ARPC5L: variants seen among roughly 807,000 people sequenced by gnomAD.
ARPC5L encodes the protein actin-related protein 2/3 complex subunit 5-like protein.
ARPC5L carries 4 observed loss-of-function variants against 16.9 expected under a neutral mutation model. The observed-to-expected ratio is 0.24, with a 90% CI of 0.12 to 0.54. The LOEUF is 0.54. ARPC5L is among the 20% of genes least tolerant of loss of function. ARPC5L has a pLI of 0.95. For synonymous variants in ARPC5L, 78 were observed against 82.6 expected (o/e 0.94, Z 0.30); for missense variants, 151 against 201.9 (o/e 0.75, Z 1.53).
chr9:124,868,124 G>A (rs1829297422), intron 2 of ARPC5L, among the ~76,000 whole-genome samples: 1 of 152,004 alleles, frequency 6.6e-6, no homozygotes, highest in Non-Finnish European at 1.5e-5. Flanking sequence ...CACTATGGGA[G>A]TCTGTATCCT....
At chr9:124,873,299 A>G (rs983848458) in intron 3 of ARPC5L, 4 of 210,426 alleles carry the variant, frequency 1.9e-5, no homozygotes, top group Non-Finnish European at 3.9e-5. Context: ...TTGTACCTAC[A>G]TTTTCCGCTT....
At chr9:124,867,833 G>T (rs1829294146) in intron 2 of ARPC5L, among the ~76,000 whole-genome samples, 1 of 140,992 alleles carries the variant, frequency 7.1e-6, no homozygotes, top group African/African-American at 2.6e-5. Flanking sequence ...TTTTGAGACG[G>T]AGTTTTGCTC....
chr9:124,866,214 G>A (rs1406676699), intron 2 of ARPC5L, among the ~76,000 whole-genome samples: 1 of 151,630 alleles, frequency 6.6e-6, no homozygotes, highest in African/African-American at 2.4e-5. Context: ...AACCAGCCTG[G>A]CCCACATGGT....
intron 3 of ARPC5L, among the ~76,000 whole-genome samples, chr9:124,871,608 T>G (rs1829361446): frequency 6.6e-6 from 1 of 152,196 alleles, no homozygotes; most frequent in African/African-American, 2.4e-5. Flanking sequence ...CAAGGATTTT[T>G]GGAATGAGAT....
chr9:124,862,678 C>T (rs911459246), intron 1 of ARPC5L, among the ~76,000 whole-genome samples: 2 of 151,512 alleles, frequency 1.3e-5, no homozygotes, highest in African/African-American at 2.4e-5. Context: ...GCATGCACCA[C>T]CACGCCTGGC....
chr9:124,865,276 A>G (rs1457044023), intron 2 of ARPC5L, among the ~76,000 whole-genome samples: 1 of 136,158 alleles, frequency 7.3e-6, no homozygotes, highest in East Asian at 2.4e-4. Flanking sequence ...AGATCGGGCC[A>G]TTGCACTCCA....
intron 3 of ARPC5L, 125 bp downstream of exon 3, chr9:124,869,564 C>G: frequency 7.4e-7 from 1 of 1,358,640 alleles, no homozygotes; most frequent in South Asian, 1.7e-5. Context: ...TCAGGTCAGC[C>G]TCCAGCTCCC....
intron 3 of ARPC5L, among the ~76,000 whole-genome samples, chr9:124,870,745 T>C (rs1829345049): frequency 6.6e-6 from 1 of 152,164 alleles, no homozygotes; most frequent in Non-Finnish European, 1.5e-5. Context: ...TGAAAGGGGC[T>C]CCAGGGTCAG....
rs2131337982 is a variant in ARPC5L, at chr9:124,873,574, G to A, written c.150-118G>A. On this transcript the variant is annotated intron_variant, in intron 3 of 5. Transcript: ENST00000353214. ...TCTGCCCCCCTGGAAGCCGTGGAAG[G>A]TGGGTGGTATGGATGAGATCCCATC... 3 of 1,147,028 alleles carry A rather than the reference G, an allele frequency of 2.6e-6. No individual in the cohort carries two copies. The South Asian group carries it at 3.9e-5, about 15-fold the overall frequency. The allele number at this position is 1,147,028 out of a possible 1,614,324, so 71.1% of individuals were successfully genotyped here.
intron 5 of ARPC5L, 127 bp downstream of exon 5, chr9:124,875,278 C>T: frequency 9.6e-7 from 1 of 1,036,856 alleles, no homozygotes; most frequent in Non-Finnish European, 1.4e-6. Flanking sequence ...GGACGAGCCC[C>T]AACCTGGGAC....
intron 2 of ARPC5L, among the ~76,000 whole-genome samples, chr9:124,864,590 G>A (rs1588039685): frequency 6.6e-6 from 1 of 152,208 alleles, no homozygotes; most frequent in Non-Finnish European, 1.5e-5. Context: ...ATGTTGGCCA[G>A]GCTGGTATTG....
At chr9:124,874,172 A>G (rs561304300) in intron 4 of ARPC5L, among the ~76,000 whole-genome samples, 36 of 152,170 alleles carry the variant, frequency 2.4e-4, no homozygotes, top group Non-Finnish European at 4.3e-4. Context: ...TGCATCACCA[A>G]GTCTAAAATT....
At chr9:124,870,902 T>A (rs1281180048) in intron 3 of ARPC5L, among the ~76,000 whole-genome samples, 1 of 152,204 alleles carries the variant, frequency 6.6e-6, no homozygotes, top group Non-Finnish European at 1.5e-5. Flanking sequence ...AGGCCTGGGC[T>A]TAGCACATCC....
intron 2 of ARPC5L, among the ~76,000 whole-genome samples, chr9:124,866,335 T>C (rs371953910): frequency 9.4e-5 from 14 of 149,444 alleles, no homozygotes; most frequent in East Asian, 2.0e-4. Context: ...ACCCTGGAGG[T>C]GGAGGGTGCA....
At chr9:124,874,016 G>A (rs1478583500) in intron 4 of ARPC5L, among the ~76,000 whole-genome samples, 2 of 152,256 alleles carry the variant, frequency 1.3e-5, no homozygotes, top group Non-Finnish European at 2.9e-5. Context: ...TGAGAAGTCA[G>A]CCTGGCCCTG....
chr9:124,873,566 C>A, intron 3 of ARPC5L, 126 bp from the exon 4 acceptor site: 1 of 1,053,968 alleles, frequency 9.5e-7, no homozygotes, highest in Non-Finnish European at 1.4e-6. Flanking sequence ...CCCTGGAAGC[C>A]GTGGAAGGTG....
Position 124,864,186 on chromosome 9 carries a change from C to A in ARPC5L, c.-864+79C>A, listed in dbSNP as rs1429876708. 3 of 138,674 alleles carry A rather than the reference C, an allele frequency of 2.2e-5. No individual in the cohort carries two copies. The East Asian group carries it at 6.4e-4, about 29-fold the overall frequency. The allele number at this position is 138,674 out of a possible 1,614,324, so 8.6% of individuals were successfully genotyped here. ...GAGGGCAATCCCGGCATGGCTTAGA[C>A]TTTTTTTTTTTTTTTTTGAAATGGA... On this transcript the variant is annotated intron_variant, in intron 2 of 5. Transcript: ENST00000353214.
At chr9:124,875,293 C>A in intron 5 of ARPC5L, 142 bp downstream of exon 5, 1 of 923,760 alleles carries the variant, frequency 1.1e-6, no homozygotes, top group Non-Finnish European at 1.6e-6. Context: ...TGGGACATGT[C>A]ATCACTTCCC....
In ARPC5L at chr9:124,877,039, G is replaced by A. The variant is rs1276064397; in HGVS notation, c.*99G>A. The A allele has an allele frequency of 1.1e-5, 10 of 906,016 alleles. No individual in the cohort carries two copies. Among genetic ancestry groups the A allele is most frequent in the African/African-American group, 3.4e-5 (2 of 59,152 alleles). 56.1% of individuals were successfully genotyped at this position (906,016 alleles called of 1,614,324 possible). On this transcript the variant is annotated 3_prime_UTR_variant, in exon 6 of 6. Coordinates refer to ENST00000353214, the MANE Select transcript of ARPC5L (RefSeq NM_030978.3). The stretch of plus-strand genomic sequence containing the variant: ...GGACCATCTTCCTAGGAACTCCCAA[G>A]TAAACTATTTCAGGACATGTATCTG...
Sources: gnomAD v4.1 joint callset for allele counts (sites outside exome capture counted in the v4.1 genomes callset) on GRCh38, gnomAD v4.1.1 for gene constraint, MANE v1.5 for transcripts, NCBI Gene and HGNC (gene_info 2026-07-23, HGNC 2026-07-21) for gene names.